Variants in PCDHGB2 observed in about 807,000 individuals in gnomAD.
PCDHGB2 encodes protocadherin gamma-B2.
A neutral mutation model predicts 59.3 loss-of-function variants in PCDHGB2; 55 were observed. That is an observed-to-expected ratio of 0.93 (90% CI 0.75 to 1.16). The LOEUF (loss-of-function observed/expected upper bound fraction) is 1.16. Among genes scored for constraint, PCDHGB2 ranks in the 50% most tolerant of loss-of-function variants. The pLI, the probability that PCDHGB2 is intolerant of heterozygous loss-of-function variation, is 0.00. For missense variants in PCDHGB2, 1,228 were observed against 1,198.5 expected (o/e 1.02, Z -0.36); for synonymous variants, 516 against 512.0 (o/e 1.01, Z -0.11).
chr5:141,413,081 C>A, intron 1 of PCDHGB2: 2 of 1,339,424 alleles, frequency 1.5e-6, no homozygotes, highest in Non-Finnish European at 2.0e-6. Context: ...GCCCAGGCTA[C>A]AGAGACACCC....
rs375834520 is a variant in PCDHGB2, at chr5:141,389,526, G to A, written c.2421+26970G>A. 145 of 1,613,070 alleles carry A rather than the reference G, an allele frequency of 9.0e-5. No homozygotes were observed. Among genetic ancestry groups the A allele is most frequent in the Non-Finnish European group, 1.2e-4 (141 of 1,179,758 alleles). ...GCTCAGCGCGAACGTGAGCCTGCGC[G>A]TGTTAGTGGACGACCGCAACGACAA... On this transcript the variant is annotated intron_variant, in intron 1 of 3. Coordinates refer to ENST00000522605, the MANE Select transcript of PCDHGB2 (RefSeq NM_018923.3).
intron 1 of PCDHGB2, chr5:141,393,499 A>T: frequency 6.2e-7 from 1 of 1,614,008 alleles, no homozygotes; most frequent in South Asian, 1.1e-5. Context: ...GTGCGCATCC[A>T]CGTGACAGTG....
Position 141,477,865 on chromosome 5 carries a change from T to A in PCDHGB2, c.2422-16942T>A, listed in dbSNP as rs1380570615. On this transcript the variant is annotated intron_variant, in intron 1 of 3. Transcript: ENST00000522605. This position sits in a 1 kb window ranked among gnomAD's most constrained non-coding sequence, Gnocchi z 4.9. ...GCTCGGTGGAGATGCTGCCTCGAGG[T>A]ACCTCAGCTGGCCACCTAGTGTCAC... 6.2e-7 allele frequency: 1 copy of A among 1,612,698 alleles called. No individual in the cohort carries two copies. Among genetic ancestry groups the A allele is most frequent in the Non-Finnish European group, 8.5e-7 (1 of 1,179,562 alleles).
rs753581561 is a variant in PCDHGB2, at chr5:141,485,195, T to G, written c.2422-9612T>G. 2.2e-5 allele frequency: 36 copies of G among 1,613,912 alleles called. No homozygotes were observed. Among genetic ancestry groups the G allele is most frequent in the Non-Finnish European group, 1.4e-5 (16 of 1,179,906 alleles). ...AGCAATGCTCCGCAAGGTGAGAAGC[T>G]GGACAGAAATCTGGCGGTGGGCTAC... is the stretch of plus-strand genomic sequence containing the variant. On this transcript the variant is annotated intron_variant, in intron 1 of 3. Transcript: ENST00000522605. The surrounding 1 kb of genome is among the most constrained non-coding windows in gnomAD (Gnocchi z 5.7).
intron 1 of PCDHGB2, among the ~76,000 whole-genome samples, chr5:141,483,272 A>T (rs545719861): frequency 4.4e-4 from 67 of 152,196 alleles, no homozygotes; most frequent in African/African-American, 1.4e-3. Flanking sequence ...TGTTTTAGAA[A>T]TATTATTCTG....
chr5:141,465,343 T>A (rs1221229916), intron 1 of PCDHGB2, among the ~76,000 whole-genome samples: 1 of 152,118 alleles, frequency 6.6e-6, no homozygotes, highest in Non-Finnish European at 1.5e-5. Flanking sequence ...TATTGGTTAC[T>A]GAAGAAAAAA....
chr5:141,461,591 C>T (rs1368759571), intron 1 of PCDHGB2, among the ~76,000 whole-genome samples: 1 of 152,088 alleles, frequency 6.6e-6, no homozygotes, highest in Non-Finnish European at 1.5e-5. Flanking sequence ...GTTATATTTC[C>T]ATTATAATTT....
At position 141,489,063 on chromosome 5, in the gene PCDHGB2, C is replaced by A; in HGVS notation, c.2422-5744C>A. ...CTCCACTCAAATTCAGCTCCCCTCC[C>A]CCCTGCCCACCCCCGCCACTCGGTG... On this transcript the variant is annotated intron_variant, in intron 1 of 3. Coordinates refer to ENST00000522605, the MANE Select transcript of PCDHGB2 (RefSeq NM_018923.3). This position sits in a 1 kb window ranked among gnomAD's most constrained non-coding sequence, Gnocchi z 4.5. 2.6e-6 allele frequency: 1 copy of A among 384,986 alleles called. No individual in the cohort carries two copies. Among genetic ancestry groups the A allele is most frequent in the East Asian group, 4.5e-5 (1 of 22,374 alleles). 23.8% of individuals were successfully genotyped at this position (384,986 alleles called of 1,614,324 possible). A position where few individuals can be genotyped will look rare whatever the true frequency, so the allele number is the denominator to read the frequency against.
chr5:141,492,880 T>C (rs1204475362), intron 1 of PCDHGB2, among the ~76,000 whole-genome samples: 2 of 152,184 alleles, frequency 1.3e-5, no homozygotes, highest in African/African-American at 4.8e-5. Context: ...CCCCCAGAGA[T>C]ACAGGCTTTT....
intron 1 of PCDHGB2, among the ~76,000 whole-genome samples, chr5:141,471,883 C>T (rs951573411): frequency 6.6e-6 from 1 of 152,084 alleles, no homozygotes; most frequent in Non-Finnish European, 1.5e-5. Flanking sequence ...GAGGCTGAAG[C>T]TAGGAAGATT....
At chr5:141,488,472 T>C (rs1183465817) in intron 1 of PCDHGB2, among the ~76,000 whole-genome samples, 1 of 152,096 alleles carries the variant, frequency 6.6e-6, no homozygotes, top group East Asian at 1.9e-4. Context: ...CCAGAAATGT[T>C]CCCCTACCCA....
At chr5:141,386,071 T>C (rs1306390506) in intron 1 of PCDHGB2, 4 of 152,214 alleles carry the variant, frequency 2.6e-5, no homozygotes, top group Non-Finnish European at 5.9e-5. Context: ...CAGTATGTTG[T>C]TTTAGTGGTA....
Position 141,476,160 on chromosome 5 carries a change from G to A in PCDHGB2, c.2422-18647G>A, listed in dbSNP as rs781765205. 4.3e-6 allele frequency: 7 copies of A among 1,612,858 alleles called. No homozygotes were observed. The highest frequency in any genetic ancestry group is 5.9e-6 in the Non-Finnish European group (7 of 1,179,926). On this transcript the variant is annotated intron_variant, in intron 1 of 3. Coordinates refer to ENST00000522605, the MANE Select transcript of PCDHGB2 (RefSeq NM_018923.3). This position sits in a 1 kb window ranked among gnomAD's most constrained non-coding sequence, Gnocchi z 7.6. ...AGGAGCGGACTGGTAAGCACCGGGA[G>A]GGTAGTGGGAGTTTTGCTTCTGCTT...
chr5:141,383,584 C>T, intron 1 of PCDHGB2: 2 of 1,613,678 alleles, frequency 1.2e-6, no homozygotes, highest in Non-Finnish European at 1.7e-6. Flanking sequence ...CGCCCACATC[C>T]AGGTGACAGT....
At position 141,361,999 on chromosome 5, in the gene PCDHGB2, C is replaced by T; in HGVS notation, c.1864C>T (p.Arg622Cys). 2 of 1,603,024 alleles carry T rather than the reference C, an allele frequency of 1.2e-6. No homozygotes were observed. The highest frequency in any genetic ancestry group is 2.2e-5 in the East Asian group (1 of 44,714). The change falls in exon 1 of 4, where the codon CGC becomes TGC. Residue 622 changes from arginine to cysteine, a missense_variant. Coordinates refer to ENST00000522605, the MANE Select transcript of PCDHGB2 (RefSeq NM_018923.3). ...SEPGLFSLGL[R>C]TGEVRTARAL... ...GCCCGGGCTCTTCAGCCTGGGGTTG[C>T]GCACGGGTGAGGTGCGCACAGCGCG...
At chr5:141,400,097 A>C (rs753507768) in intron 1 of PCDHGB2, 1 of 1,614,048 alleles carries the variant, frequency 6.2e-7, no homozygotes, top group South Asian at 1.1e-5. Context: ...GCCACGCTGC[A>C]CTTGGTCTTT....
In PCDHGB2 at chr5:141,482,773, C is replaced by A. The variant is rs2009076; in HGVS notation, c.2422-12034C>A. ...ATTATGGTATTTCATTATCACTGAA[C>A]CTTAAACTGTGTGTGTGGCCGGGTA... On this transcript the variant is annotated intron_variant, in intron 1 of 3. Coordinates refer to ENST00000522605, the MANE Select transcript of PCDHGB2 (RefSeq NM_018923.3). 9.1e-3 allele frequency among the ~76,000 whole-genome samples: 1,158 copies of A among 127,768 alleles called. 29 individuals carry two copies. Among genetic ancestry groups the A allele is most frequent in the Middle Eastern group, 0.013 (3 of 228 alleles). 83.8% of individuals were successfully genotyped at this position (127,768 alleles called of 152,430 possible). A position where few individuals can be genotyped will look rare whatever the true frequency, so the allele number is the denominator to read the frequency against.
intron 1 of PCDHGB2, chr5:141,390,310 C>T: frequency 1.2e-6 from 2 of 1,612,362 alleles, no homozygotes; most frequent in Non-Finnish European, 1.7e-6. Context: ...TAATTTAATG[C>T]TCATTGCCTA....
intron 1 of PCDHGB2, chr5:141,376,510 G>A: frequency 6.2e-7 from 1 of 1,614,028 alleles, no homozygotes; most frequent in Non-Finnish European, 8.5e-7. Flanking sequence ...AACTTCAGGT[G>A]AGTTTCTTTC....
Sources: gnomAD v4.1 joint callset for allele counts (sites outside exome capture counted in the v4.1 genomes callset) on GRCh38, gnomAD v4.1.1 for gene constraint, Gnocchi (gnomAD v3.1) non-coding constraint, MANE v1.5 for transcripts, NCBI Gene and HGNC (gene_info 2026-07-23, HGNC 2026-07-21) for gene names.